The following RTN1 variants were observed in gnomAD, a reference collection of about 807,000 sequenced individuals.
RTN1 encodes the protein reticulon 1.
In RTN1, 25 loss-of-function variants were observed where a neutral mutation model predicts 65.5. That is an observed-to-expected ratio of 0.38 (90% CI 0.28 to 0.53). The LOEUF (loss-of-function observed/expected upper bound fraction) is 0.53. Among genes scored for constraint, RTN1 ranks in the 20% least tolerant of loss-of-function variants. The pLI, the probability that RTN1 is intolerant of heterozygous loss-of-function variation, is 0.79. For synonymous variants in RTN1, 471 were observed against 447.6 expected, an observed-to-expected ratio of 1.05 and a Z score of -0.66; for missense variants, 983 against 1,025.4, an observed-to-expected ratio of 0.96 and a Z score of 0.57.
chr14:59,706,717 G>T (rs1347375378), intron 3 of RTN1, among the ~76,000 whole-genome samples: 2 of 152,156 alleles, frequency 1.3e-5, no homozygotes, highest in East Asian at 1.9e-4. Flanking sequence ...TGTTTCTAAT[G>T]AAAGGAATAT....
Position 59,750,103 on chromosome 14 carries a change from A to ATC in RTN1, c.242-3623_242-3622insGA, listed in dbSNP as rs1885421533. 6.8e-5 allele frequency among the ~76,000 whole-genome samples: 4 copies of ATC among 58,562 alleles called. 1 individual carries two copies. The highest frequency in any genetic ancestry group is 3.3e-4 in the African/African-American group (3 of 9,026). 38.4% of individuals were successfully genotyped at this position (58,562 alleles called of 152,430 possible). A position where few individuals can be genotyped will look rare whatever the true frequency, so the allele number is the denominator to read the frequency against. On this transcript the variant is annotated intron_variant, in intron 1 of 8. Coordinates refer to ENST00000267484, the MANE Select transcript of RTN1 (RefSeq NM_021136.3). ...ATTATAGACATATATATTATATATT[A>ATC]TATATTATATATAATATATATTATC... is the stretch of plus-strand genomic sequence containing the variant.
chr14:59,846,444 C>A lies in RTN1; in HGVS notation c.241+23946G>T, dbSNP rs533278740. ...TGTACACACACACGTGTGTACCACACACATCCACACTCATCTGTCACTTTG... is the reference window on the plus strand; with the variant it reads ...TGTACACACACACGTGTGTACCACAAACATCCACACTCATCTGTCACTTTG... On this transcript the variant is annotated intron_variant, in intron 1 of 8. Transcript: ENST00000267484. The surrounding 1 kb of genome is among the most constrained non-coding windows in gnomAD (Gnocchi z 4.8). Among the ~76,000 whole-genome samples, 1 of 152,198 alleles carries A rather than the reference C, an allele frequency of 6.6e-6. No homozygotes were observed. The highest frequency in any genetic ancestry group is 2.1e-4 in the South Asian group (1 of 4,822).
At chr14:59,815,989 T>G (rs1415049095) in intron 1 of RTN1, among the ~76,000 whole-genome samples, 5 of 152,182 alleles carry the variant, frequency 3.3e-5, no homozygotes, top group Admixed American at 6.5e-5. Flanking sequence ...CAATCACTTG[T>G]ACCACCTGCT....
chr14:59,614,285 G>A (rs1303977380), intron 3 of RTN1, among the ~76,000 whole-genome samples: 1 of 152,024 alleles, frequency 6.6e-6, no homozygotes, highest in Non-Finnish European at 1.5e-5. Flanking sequence ...TGCTTATTTG[G>A]CCCTAGAAAT....
chr14:59,630,248 A>T (rs1343835457), intron 3 of RTN1, among the ~76,000 whole-genome samples: 1 of 136,400 alleles, frequency 7.3e-6, no homozygotes, highest in Non-Finnish European at 1.7e-5. Context: ...GGGTGGGGTT[A>T]AAAAAAAAAA....
intron 3 of RTN1, among the ~76,000 whole-genome samples, chr14:59,655,327 AC>A (rs1298190490): frequency 1.3e-5 from 2 of 152,222 alleles, no homozygotes; most frequent in Non-Finnish European, 2.9e-5. Flanking sequence ...AAATGAAATG[AC>A]TTTTTTTGTT....
chr14:59,855,953 A>G (rs554337957), intron 1 of RTN1, among the ~76,000 whole-genome samples: 32 of 152,286 alleles, frequency 2.1e-4, no homozygotes, highest in Middle Eastern at 3.4e-3. Context: ...AAAGTTTTCT[A>G]TCCTGCTAGG....
At chr14:59,735,298 G>C (rs1314361109) in intron 2 of RTN1, among the ~76,000 whole-genome samples, 1 of 152,168 alleles carries the variant, frequency 6.6e-6, no homozygotes, top group Admixed American at 6.5e-5. Context: ...GAAGTATACA[G>C]ACCAGTGACA....
chr14:59,756,515 T>C (rs1381231388), intron 1 of RTN1, among the ~76,000 whole-genome samples: 1 of 152,226 alleles, frequency 6.6e-6, no homozygotes, highest in Non-Finnish European at 1.5e-5. Context: ...CTGATTTAAA[T>C]GTATTCTACT....
In RTN1 at chr14:59,790,483, G is replaced by A. The variant is rs1040136210; in HGVS notation, c.242-44002C>T. On this transcript the variant is annotated intron_variant, in intron 1 of 8. Transcript: ENST00000267484. The surrounding 1 kb of genome is among the most constrained non-coding windows in gnomAD (Gnocchi z 4.1). ...TCTCCACTTTGCCTTATTGTCTTTT[G>A]GCTTTGATTGCTGCCTTGGAAAATT... Among the ~76,000 whole-genome samples the A allele has an allele frequency of 1.3e-5, 2 of 151,832 alleles. No homozygotes were observed. The highest frequency in any genetic ancestry group is 2.9e-5 in the Non-Finnish European group (2 of 67,904).
rs559090508 is a variant in RTN1, at chr14:59,753,866, G to A, written c.242-7385C>T. On this transcript the variant is annotated intron_variant, in intron 1 of 8. Transcript: ENST00000267484. ...GACTAGACATTGCCACATAACCAAG[G>A]ATTCTGTGGAATATCTGATTTCCTC... Among the ~76,000 whole-genome samples the A allele has an allele frequency of 1.4e-4, 22 of 152,240 alleles. No individual in the cohort carries two copies. The South Asian group carries it at 1.7e-3, about 11-fold the overall frequency.
At chr14:59,596,929 A>G (rs758155737) in intron 8 of RTN1, 142 bp from the exon 9 acceptor site, 43 of 588,518 alleles carry the variant, frequency 7.3e-5, no homozygotes, top group Middle Eastern at 3.7e-4. Flanking sequence ...TACATCTGCA[A>G]ATACTCTTCT....
chr14:59,611,939 G>A (rs969013865), intron 3 of RTN1, among the ~76,000 whole-genome samples: 2 of 152,132 alleles, frequency 1.3e-5, no homozygotes, highest in African/African-American at 4.8e-5. Context: ...CACATTCCAT[G>A]AGCCCCAAAG....
intron 1 of RTN1, among the ~76,000 whole-genome samples, chr14:59,865,680 T>G (rs114019115): frequency 6.6e-6 from 1 of 152,180 alleles, no homozygotes; most frequent in African/African-American, 2.4e-5. Flanking sequence ...TTTTGGACCA[T>G]GTTCTTTACA....
chr14:59,840,891 C>A (rs565350480), intron 1 of RTN1, among the ~76,000 whole-genome samples: 12 of 152,270 alleles, frequency 7.9e-5, no homozygotes, highest in Non-Finnish European at 1.8e-4. Context: ...TCATGCCATT[C>A]ACAAAAGTAA....
At position 59,603,050 on chromosome 14, in the gene RTN1, CA is replaced by C. The variant is rs751772620; in HGVS notation, c.2288+14del. ...AGAGAGTCTCTCCTTTTATGCATTG[CA>C]CTATGTGACTTACTTTGCCACAACA... On this transcript the variant is annotated intron_variant, in intron 8 of 8. Coordinates refer to ENST00000267484, the MANE Select transcript of RTN1 (RefSeq NM_021136.3). 1.2e-6 allele frequency: 2 copies of C among 1,610,426 alleles called. No individual in the cohort carries two copies. The highest frequency in any genetic ancestry group is 1.7e-5 in the Admixed American group (1 of 59,970).
At chr14:59,763,488 A>G (rs1885788188) in intron 1 of RTN1, among the ~76,000 whole-genome samples, 1 of 151,814 alleles carries the variant, frequency 6.6e-6, no homozygotes, top group South Asian at 2.1e-4. Flanking sequence ...CATGCAATAA[A>G]TTTAAAATAT....
intron 3 of RTN1, among the ~76,000 whole-genome samples, chr14:59,657,971 G>A (rs1042937875): frequency 6.6e-6 from 1 of 152,184 alleles, no homozygotes; most frequent in African/African-American, 2.4e-5. Context: ...CCCCCAAGGA[G>A]CCCAGCAAGC....
chr14:59,856,911 G>A (rs2139670533), intron 1 of RTN1, among the ~76,000 whole-genome samples: 1 of 152,194 alleles, frequency 6.6e-6, no homozygotes, highest in East Asian at 1.9e-4. Flanking sequence ...CTGTAAGATA[G>A]CCAGAACAGT....
Sources: allele counts gnomAD v4.1 joint callset (sites outside exome capture counted in the v4.1 genomes callset), GRCh38; gene constraint gnomAD v4.1.1; non-coding constraint Gnocchi (gnomAD v3.1); transcripts MANE v1.5; gene names NCBI Gene and HGNC (gene_info 2026-07-23, HGNC 2026-07-21).